The following ANKRD30A variants were observed in gnomAD, a reference collection of about 807,000 sequenced individuals.
The protein encoded by ANKRD30A is ankyrin repeat domain 30A, also known as ankyrin repeat domain-containing protein 30A.
In ANKRD30A, 170 loss-of-function variants were observed where a neutral mutation model predicts 166.3. The observed-to-expected ratio is 1.02, with a 90% CI of 0.90 to 1.16. The LOEUF is 1.16. ANKRD30A is among the 50% of genes most tolerant of loss of function. ANKRD30A has a pLI of 0.00. For synonymous variants in ANKRD30A, 564 were observed against 508.9 expected, an observed-to-expected ratio of 1.11 and a Z score of -1.46; for missense variants, 1,630 against 1,518.0, an observed-to-expected ratio of 1.07 and a Z score of -1.23.
At chr10:37,131,539 C>T (rs554757635) in intron 3 of ANKRD30A, among the ~76,000 whole-genome samples, 1 of 152,152 alleles carries the variant, frequency 6.6e-6, no homozygotes, top group East Asian at 1.9e-4. Flanking sequence ...TCCTTAGTGA[C>T]CCATGTAGAA....
Position 37,219,634 on chromosome 10 carries a change from A to G in ANKRD30A, c.3922A>G (p.Asn1308Asp). The part of the protein sequence containing the change: ...AEHMYQNEQD[N>D]VNKHTEQQES... ...ACACATGTATCAAAACGAACAAGAT[A>G]ATGTGAACAAACACACTGAACAGCA... The change falls in exon 34 of 36, where the codon AAT becomes GAT. Residue 1308 changes from asparagine (N) to aspartate (D), a missense_variant. Asn to Asp is a conservative substitution (Grantham distance 23). This residue lies in a region of ANKRD30A where 712 missense variants were observed against 629.3 expected (regional missense o/e 1.13). Transcript: ENST00000361713. 6.2e-7 allele frequency: 1 copy of G among 1,610,168 alleles called. No individual in the cohort carries two copies. Among genetic ancestry groups the G allele is most frequent in the Non-Finnish European group, 8.5e-7 (1 of 1,177,604 alleles).
At chr10:37,244,903 ACT>A in the ANKRD30A span, among the ~76,000 whole-genome samples, 1 of 152,048 alleles carries the variant, frequency 6.6e-6, no homozygotes, top group East Asian at 1.9e-4. Flanking sequence ...CCAACTCCTC[ACT>A]CTGGACAACC....
At chr10:37,153,695 A>C (rs1838138435) in intron 13 of ANKRD30A, 33 bp downstream of exon 13, 2 of 1,608,192 alleles carry the variant, frequency 1.2e-6, no homozygotes, top group African/African-American at 2.7e-5. Context: ...AAATCAGTTG[A>C]CCGAATATTT....
At chr10:37,218,771 A>C (rs904724046) in intron 33 of ANKRD30A, among the ~76,000 whole-genome samples, 2 of 150,550 alleles carry the variant, frequency 1.3e-5, no homozygotes, top group Non-Finnish European at 3.0e-5. Context: ...TTGTACTTTC[A>C]TGAATTCGTT....
chr10:37,139,034 G>A (rs894026380), intron 6 of ANKRD30A, among the ~76,000 whole-genome samples: 4 of 152,196 alleles, frequency 2.6e-5, no homozygotes, highest in African/African-American at 9.7e-5. Flanking sequence ...TGTCTCGGCA[G>A]AAACGCTACA....
the ANKRD30A span, among the ~76,000 whole-genome samples, chr10:37,238,842 TA>T: frequency 1.3e-5 from 2 of 152,248 alleles, no homozygotes; most frequent in East Asian, 3.9e-4. Context: ...GATATTGAGT[TA>T]TTTCCTTTAC....
chr10:37,154,748 A>G (rs1246363579), intron 13 of ANKRD30A, among the ~76,000 whole-genome samples: 1 of 152,158 alleles, frequency 6.6e-6, no homozygotes, highest in Non-Finnish European at 1.5e-5. Context: ...TGGATTTTCT[A>G]TGAATGAAAA....
chr10:37,191,624 A>G (rs565414664), intron 25 of ANKRD30A, among the ~76,000 whole-genome samples: 1 of 152,148 alleles, frequency 6.6e-6, no homozygotes, highest in South Asian at 2.1e-4. Flanking sequence ...AATCATATAT[A>G]AATGGTTGTA....
chr10:37,256,406 A>G, the ANKRD30A span, among the ~76,000 whole-genome samples: 2 of 152,114 alleles, frequency 1.3e-5, no homozygotes, highest in African/African-American at 4.8e-5. Context: ...ACAGGTGAAC[A>G]CCACCACACT....
At chr10:37,137,516 A>G (rs1006154701) in intron 6 of ANKRD30A, among the ~76,000 whole-genome samples, 3 of 152,060 alleles carry the variant, frequency 2.0e-5, no homozygotes, top group African/African-American at 4.8e-5. Context: ...AAATCGGGTC[A>G]CTCCCACCTT....
rs775475111 is a variant in ANKRD30A, at chr10:37,149,643, CT to C, written c.1544-3del. The C allele has an allele frequency of 6.2e-7, 1 of 1,611,442 alleles. No homozygotes were observed. Among genetic ancestry groups the C allele is most frequent in the Non-Finnish European group, 8.5e-7 (1 of 1,178,212 alleles). On this transcript the variant is annotated splice_region_variant and splice_polypyrimidine_tract_variant and intron_variant, in intron 9 of 35. Transcript: ENST00000361713. ...TATGATTGATGATAAATCTCTTTTGCTTTTTAGAGCCTCCTAAGAAGCCATC... is the reference window on the plus strand; with the variant it reads ...TATGATTGATGATAAATCTCTTTTGCTTTTAGAGCCTCCTAAGAAGCCATC...
chr10:37,211,554 T>C (rs1241331404), intron 31 of ANKRD30A, among the ~76,000 whole-genome samples: 1 of 152,168 alleles, frequency 6.6e-6, no homozygotes, highest in African/African-American at 2.4e-5. Context: ...TTGTGTTGGT[T>C]CCAAGTCTTT....
the ANKRD30A span, among the ~76,000 whole-genome samples, chr10:37,245,654 C>A: frequency 1.3e-5 from 2 of 151,942 alleles, no homozygotes; most frequent in Non-Finnish European, 2.9e-5. Flanking sequence ...ATCATGGCTT[C>A]TGTGGGTTAG....
At chr10:37,144,814 AT>A (rs1201188112) in intron 7 of ANKRD30A, among the ~76,000 whole-genome samples, 180 bp from the exon 8 acceptor site, 1 of 129,692 alleles carries the variant, frequency 7.7e-6, no homozygotes, top group African/African-American at 2.8e-5. Flanking sequence ...TAATTTTTAC[AT>A]TTTTAAGATT....
chr10:37,250,775 C>A, the ANKRD30A span, among the ~76,000 whole-genome samples: 1 of 152,178 alleles, frequency 6.6e-6, no homozygotes, highest in African/African-American at 2.4e-5. Flanking sequence ...TCTGCCAGTT[C>A]CTTCATCTTG....
At chr10:37,192,287 G>C (rs1051475607) in intron 25 of ANKRD30A, among the ~76,000 whole-genome samples, 1 of 151,876 alleles carries the variant, frequency 6.6e-6, no homozygotes, top group African/African-American at 2.4e-5. Flanking sequence ...CCAGAGATCC[G>C]CCCTCCTCGG....
intron 31 of ANKRD30A, among the ~76,000 whole-genome samples, chr10:37,204,259 A>G (rs1344166215): frequency 6.6e-6 from 1 of 152,208 alleles, no homozygotes; most frequent in South Asian, 2.1e-4. Flanking sequence ...TACAGTAACC[A>G]AAACAGCATG....
chr10:37,166,428 G>T (rs1305497140), intron 18 of ANKRD30A, among the ~76,000 whole-genome samples, 177 bp from the exon 19 acceptor site: 4 of 151,984 alleles, frequency 2.6e-5, no homozygotes, highest in Admixed American at 2.0e-4. Context: ...TGTAGAGAGG[G>T]TTATGTGAGG....
intron 15 of ANKRD30A, among the ~76,000 whole-genome samples, chr10:37,162,187 A>C (rs545103091): frequency 6.6e-6 from 1 of 152,176 alleles, no homozygotes; most frequent in Non-Finnish European, 1.5e-5. Flanking sequence ...CTAAGTGTAT[A>C]TCCAAGCTGA....
Sources: allele counts gnomAD v4.1 joint callset (sites outside exome capture counted in the v4.1 genomes callset), GRCh38; gene constraint gnomAD v4.1.1; regional missense constraint gnomAD v4.1.1; transcripts MANE v1.5; gene names NCBI Gene and HGNC (gene_info 2026-07-23, HGNC 2026-07-21).